PTBP2: variants seen among roughly 807,000 people sequenced by gnomAD.
PTBP2 encodes the protein polypyrimidine tract-binding protein 2.
Under a neutral mutation model 61.4 loss-of-function variants are expected in PTBP2, and 13 were observed. The ratio of observed to expected loss-of-function variants is 0.21; its 90% CI spans 0.14 to 0.34. The LOEUF is 0.34. Among genes scored for constraint, PTBP2 ranks in the 10% least tolerant of loss-of-function variants. The pLI is 1.00. For missense variants in PTBP2, 405 were observed against 642.6 expected (o/e 0.63, Z 4.00); for synonymous variants, 215 against 218.5 (o/e 0.98, Z 0.14).
chr1:96,775,803 TAAAG>T (rs976582397), intron 5 of PTBP2, among the ~76,000 whole-genome samples: 4 of 152,096 alleles, frequency 2.6e-5, no homozygotes, highest in Non-Finnish European at 4.4e-5. Context: ...AATGAAATCA[TAAAG>T]AAATGTATGA....
intron 7 of PTBP2, among the ~76,000 whole-genome samples, chr1:96,783,410 C>T (rs1658906149): frequency 6.6e-6 from 1 of 151,914 alleles, no homozygotes; most frequent in African/African-American, 2.4e-5. Context: ...TTCAAAGGGT[C>T]CTGGAGGGCT....
At chr1:96,736,876 C>T (rs1308609891) in intron 2 of PTBP2, among the ~76,000 whole-genome samples, 6 of 151,932 alleles carry the variant, frequency 3.9e-5, no homozygotes, top group Admixed American at 6.5e-5. Flanking sequence ...GACAGCGTCT[C>T]GCTGTATCGC....
exon 14 of PTBP2, chr1:96,822,710 T>C (rs1036735241): frequency 1.3e-5 from 2 of 152,152 alleles, no homozygotes; most frequent in Admixed American, 6.5e-5. Flanking sequence ...AATTAAGACT[T>C]CCAAAAGAAT....
chr1:96,816,547 G>A (rs1321447242), downstream of PTBP2: 3 of 152,094 alleles, frequency 2.0e-5, no homozygotes, highest in Non-Finnish European at 2.9e-5. Flanking sequence ...TATATTTAAC[G>A]TTAGCATTTG....
intron 2 of PTBP2, among the ~76,000 whole-genome samples, chr1:96,742,042 C>T (rs1225291406): frequency 6.6e-6 from 1 of 152,140 alleles, no homozygotes; most frequent in Non-Finnish European, 1.5e-5. Flanking sequence ...TTGGTGTTTT[C>T]TTCACTGCAT....
intron 2 of PTBP2, among the ~76,000 whole-genome samples, chr1:96,736,708 G>A (rs1008285626): frequency 2.6e-5 from 4 of 151,964 alleles, no homozygotes; most frequent in Non-Finnish European, 4.4e-5. Context: ...TTTTAAGATA[G>A]GGTCTTGCTC....
rs369016396 is a variant in PTBP2, at chr1:96,755,704, A to C, written c.115+4204A>C. On this transcript the variant is annotated intron_variant, in intron 3 of 13. Transcript: ENST00000674951. ...CAACAGCAAGAATGAATCTCCAAAC[A>C]ATTATGTTATGTAAAAGATGGGAGA... Among the ~76,000 whole-genome samples the C allele has an allele frequency of 9.8e-5, 15 of 152,294 alleles. No individual in the cohort carries two copies. The South Asian group carries it at 3.1e-3, about 32-fold the overall frequency.
chr1:96,805,593 T>C (rs1661424370), intron 9 of PTBP2, among the ~76,000 whole-genome samples: 1 of 152,166 alleles, frequency 6.6e-6, no homozygotes, highest in Admixed American at 6.5e-5. Flanking sequence ...GTCTGGTATA[T>C]TTTATTTTGA....
At chr1:96,794,101 T>G (rs1660128062) in intron 8 of PTBP2, among the ~76,000 whole-genome samples, 2 of 152,214 alleles carry the variant, frequency 1.3e-5, no homozygotes, top group Non-Finnish European at 2.9e-5. Flanking sequence ...TCAGCTGTAG[T>G]TTTAAGAAAT....
intron 2 of PTBP2, among the ~76,000 whole-genome samples, chr1:96,739,531 A>T (rs185306856): frequency 1.3e-5 from 2 of 151,232 alleles, no homozygotes; most frequent in Non-Finnish European, 2.9e-5. Context: ...TAAATACCTC[A>T]CATAAGTGGA....
chr1:96,789,350 T>C (rs1206706305), intron 8 of PTBP2, among the ~76,000 whole-genome samples: 4 of 152,090 alleles, frequency 2.6e-5, no homozygotes, highest in Non-Finnish European at 5.9e-5. Flanking sequence ...GTAGGTCTTA[T>C]AGAATATTGT....
At chr1:96,783,712 A>G (rs906549715) in intron 7 of PTBP2, among the ~76,000 whole-genome samples, 1 of 152,048 alleles carries the variant, frequency 6.6e-6, no homozygotes, top group Non-Finnish European at 1.5e-5. Flanking sequence ...TTTTCCCTAT[A>G]GGAATGCTAC....
chr1:96,812,422 A>T (rs1662172816), intron 11 of PTBP2, among the ~76,000 whole-genome samples: 3 of 152,190 alleles, frequency 2.0e-5, no homozygotes, highest in Non-Finnish European at 1.5e-5. Flanking sequence ...ATGCTTATTA[A>T]GTTTCTTTCT....
chr1:96,784,885 G>A (rs1570938374), intron 7 of PTBP2, 174 bp from the exon 8 acceptor site: 6 of 508,944 alleles, frequency 1.2e-5, no homozygotes, highest in Non-Finnish European at 2.0e-5. Flanking sequence ...ATATTTGGGG[G>A]AAAGTAATAC....
intron 8 of PTBP2, among the ~76,000 whole-genome samples, chr1:96,799,921 T>C (rs1660803082): frequency 6.6e-6 from 1 of 152,160 alleles, no homozygotes; most frequent in Non-Finnish European, 1.5e-5. Context: ...TTGAGGGAAA[T>C]TGGAGAATCT....
chr1:96,788,068 T>C (rs1659400402), intron 8 of PTBP2, among the ~76,000 whole-genome samples: 1 of 152,172 alleles, frequency 6.6e-6, no homozygotes, highest in Non-Finnish European at 1.5e-5. Flanking sequence ...ATACTATTTT[T>C]TAATTTCACA....
chr1:96,819,373 ATATTCT>A (rs1243318745), downstream of PTBP2: 1 of 151,934 alleles, frequency 6.6e-6, no homozygotes. Context: ...AAATTTTAAA[ATATTCT>A]TATGGCTAGC....
intron 7 of PTBP2, among the ~76,000 whole-genome samples, chr1:96,783,172 AT>A (rs933767651): frequency 6.6e-6 from 1 of 151,808 alleles, no homozygotes; most frequent in African/African-American, 2.4e-5. Context: ...TTTAAATTTG[AT>A]TTTACTCCCT....
chr1:96,784,213 G>A (rs1048172269), intron 7 of PTBP2, among the ~76,000 whole-genome samples: 3 of 152,020 alleles, frequency 2.0e-5, no homozygotes, highest in Non-Finnish European at 4.4e-5. Context: ...AGCAGAAAAA[G>A]TACAAGATAA....
Sources: allele counts gnomAD v4.1 joint callset (sites outside exome capture counted in the v4.1 genomes callset), GRCh38; gene constraint gnomAD v4.1.1; transcripts MANE v1.5; gene names NCBI Gene and HGNC (gene_info 2026-07-23, HGNC 2026-07-21).